The following COL11A1 variants were observed in gnomAD, a reference collection of about 807,000 sequenced individuals.
COL11A1 encodes collagen alpha-1(XI) chain.
COL11A1 carries 74 observed loss-of-function variants against 265.2 expected under a neutral mutation model. That is an observed-to-expected ratio of 0.28 (90% confidence interval 0.23 to 0.34). COL11A1 has a LOEUF of 0.34. Among genes scored for constraint, COL11A1 ranks in the 10% least tolerant of loss-of-function variants. The pLI is 1.00. For missense variants in COL11A1, 2,165 were observed against 2,263.6 expected (o/e 0.96, Z 0.88); for synonymous variants, 816 against 727.6 (o/e 1.12, Z -1.96).
At chr1:102,959,610 T>C (rs1660699624) in intron 41 of COL11A1, among the ~76,000 whole-genome samples, 1 of 152,224 alleles carries the variant, frequency 6.6e-6, no homozygotes, top group African/African-American at 2.4e-5. Context: ...AAATTGTTTA[T>C]CCTATTTTAT....
chr1:103,003,401 A>T, intron 20 of COL11A1, 133 bp from the exon 21 acceptor site: 1 of 944,088 alleles, frequency 1.1e-6, no homozygotes, highest in Non-Finnish European at 1.6e-6. Flanking sequence ...ACACACTGAA[A>T]GTGATGTCCA....
Position 102,886,936 on chromosome 1 carries a change from C to T in COL11A1, c.4729G>A (p.Glu1577Lys), listed in dbSNP as rs2100840384. 1.9e-6 allele frequency: 3 copies of T among 1,613,902 alleles called. No individual in the cohort carries two copies. The highest frequency in any genetic ancestry group is 2.2e-5 in the East Asian group (1 of 44,854). Residue 1577 changes from glutamate (E) to lysine (K), a missense_variant, in exon 63 of 67, where the codon GAA becomes AAA. Physicochemically the swap from Glu to Lys is moderately conservative, Grantham distance 56. Coordinates refer to ENST00000370096, the MANE Select transcript of COL11A1 (RefSeq NM_001854.4). ...DNILDYSDGM[E>K]EIFGSLNSLK... is the part of the protein sequence containing the mutation. The stretch of plus-strand genomic sequence containing the variant: ...GAATTGAGGGAACCAAATATTTCTT[C>T]CATTCCATCCGAGTAATCAAGAATA...
chr1:103,023,134 A>G, intron 7 of COL11A1, 138 bp from the exon 8 acceptor site: 1 of 813,602 alleles, frequency 1.2e-6, no homozygotes, highest in Non-Finnish European at 2.0e-6. Context: ...AACACCTGGA[A>G]AGTAGGCTTT....
chr1:103,089,856 T>C (rs1231657198), intron 1 of COL11A1, among the ~76,000 whole-genome samples: 1 of 152,210 alleles, frequency 6.6e-6, no homozygotes, highest in African/African-American at 2.4e-5. Flanking sequence ...AGCAGCGTGG[T>C]GGCCCACGCC....
At chr1:102,985,795 ACC>A (rs565803330) in intron 30 of COL11A1, among the ~76,000 whole-genome samples, 47 of 152,252 alleles carry the variant, frequency 3.1e-4, no homozygotes, top group Non-Finnish European at 1.5e-5. Context: ...GTCCCAGGAT[ACC>A]CTTTTAACCA....
At chr1:102,986,090 G>C (rs1302003203) in intron 30 of COL11A1, among the ~76,000 whole-genome samples, 1 of 151,800 alleles carries the variant, frequency 6.6e-6, no homozygotes, top group East Asian at 1.9e-4. Flanking sequence ...AGAACGGTGG[G>C]GGCTTCTATT....
At chr1:103,014,864 G>T (rs1404542151) in intron 12 of COL11A1, among the ~76,000 whole-genome samples, 1 of 151,760 alleles carries the variant, frequency 6.6e-6, no homozygotes, top group Non-Finnish European at 1.5e-5. Flanking sequence ...CTATACCTCT[G>T]GAATAAACCA....
At position 102,878,076 on chromosome 1, in the gene COL11A1, A is replaced by G. The variant is rs1649721031; in HGVS notation, c.5364T>C (p.Phe1788=). ...ATCCGAACTTCTGATTCTGATCACC[A>G]AAGTCATTGATCATGACATCAACAA... ...VPIVDVMIND[F]GDQNQKFGFE... is the part of the protein sequence containing the mutation. The change falls in exon 67 of 67, where the codon TTT becomes TTC. Residue 1788 remains phenylalanine, a synonymous_variant. Transcript: ENST00000370096. 1 of 1,613,534 alleles carries G rather than the reference A, an allele frequency of 6.2e-7. No homozygotes were observed. The highest frequency in any genetic ancestry group is 1.7e-5 in the Admixed American group (1 of 59,960).
At chr1:102,918,604 C>G (rs68056750) in intron 49 of COL11A1, among the ~76,000 whole-genome samples, 1 of 119,656 alleles carries the variant, frequency 8.4e-6, no homozygotes, top group Non-Finnish European at 1.9e-5. Context: ...AACAAACAAA[C>G]AAAAAAATGA....
intron 35 of COL11A1, 137 bp from the exon 36 acceptor site, chr1:102,975,020 A>G: frequency 1.4e-6 from 1 of 704,126 alleles, no homozygotes; most frequent in Non-Finnish European, 2.6e-6. Flanking sequence ...CTATGGTAAT[A>G]CAACACGATA....
In COL11A1 at chr1:102,881,792, T is replaced by C. The variant is rs12086094; in HGVS notation, c.4972-27A>G. 11,886 of 1,566,788 alleles carry C rather than the reference T, an allele frequency of 7.6e-3. 803 individuals are homozygous for C. The African/African-American group carries it at 0.14, about 18-fold the overall frequency. ...TGTTGCAAAGGAACAGAAAAGTTAG[T>C]GAGTAGGTGAAAATTTACAATATAA... On this transcript the variant is annotated intron_variant, in intron 64 of 66. Coordinates refer to ENST00000370096, the MANE Select transcript of COL11A1 (RefSeq NM_001854.4).
chr1:103,050,966 T>C (rs986745532), intron 4 of COL11A1, among the ~76,000 whole-genome samples: 1 of 152,200 alleles, frequency 6.6e-6, no homozygotes, highest in Non-Finnish European at 1.5e-5. Context: ...CTGGAAGTTT[T>C]GTCTCAGAGG....
chr1:103,080,875 A>G (rs1672357971), intron 2 of COL11A1, among the ~76,000 whole-genome samples: 4 of 151,808 alleles, frequency 2.6e-5, no homozygotes, highest in Admixed American at 2.6e-4. Flanking sequence ...TTATCCATCA[A>G]CCCTACTACT....
At chr1:102,987,579 G>T in intron 30 of COL11A1, 54 bp downstream of exon 30, 1 of 1,306,482 alleles carries the variant, frequency 7.7e-7, no homozygotes, top group Non-Finnish European at 1.1e-6. Flanking sequence ...AAATTTAAAT[G>T]ATAATGAAAC....
chr1:103,089,066 T>C (rs1325218154), intron 1 of COL11A1, among the ~76,000 whole-genome samples: 2 of 152,250 alleles, frequency 1.3e-5, no homozygotes, highest in Non-Finnish European at 2.9e-5. Flanking sequence ...TTTCCAGTCC[T>C]TCCTCAATTG....
At chr1:102,924,053 C>CAAAAAA (rs577410207) in intron 46 of COL11A1, among the ~76,000 whole-genome samples, 1 of 106,798 alleles carries the variant, frequency 9.4e-6, no homozygotes, top group Non-Finnish European at 2.1e-5. Context: ...ACTAAAAATA[C>CAAAAAA]AAAAAAAAAA....
chr1:102,961,845 A>G (rs369270480), intron 41 of COL11A1, 21 bp downstream of exon 41: 4 of 1,608,154 alleles, frequency 2.5e-6, no homozygotes, highest in Non-Finnish European at 3.4e-6. Context: ...TTGTCTGGCT[A>G]TTTATTATCA....
chr1:102,965,958 T>C (rs1661363870), intron 37 of COL11A1, among the ~76,000 whole-genome samples: 1 of 152,210 alleles, frequency 6.6e-6, no homozygotes, highest in African/African-American at 2.4e-5. Flanking sequence ...CTCTCTATTG[T>C]ATTCCAAAAA....
intron 46 of COL11A1, among the ~76,000 whole-genome samples, chr1:102,932,200 C>T (rs1657547017): frequency 6.6e-6 from 1 of 152,194 alleles, no homozygotes; most frequent in African/African-American, 2.4e-5. Context: ...ATGGTCTTTA[C>T]ATTTTGGCCT....
Sources: allele counts gnomAD v4.1 joint callset (sites outside exome capture counted in the v4.1 genomes callset), GRCh38; gene constraint gnomAD v4.1.1; transcripts MANE v1.5; gene names NCBI Gene and HGNC (gene_info 2026-07-23, HGNC 2026-07-21).